Variants in FMNL3 observed in about 807,000 individuals in gnomAD.
The protein encoded by FMNL3 is formin like 3, also known as formin-like protein 3.
In FMNL3, 57 loss-of-function variants were observed where a neutral mutation model predicts 119.6. The observed-to-expected ratio is 0.48, with a 90% CI of 0.39 to 0.59. The LOEUF (loss-of-function observed/expected upper bound fraction) is 0.59, where lower values mean the gene tolerates loss of function less well. Ranked by LOEUF, FMNL3 falls within the 20% of genes least tolerant of loss-of-function variation. The pLI, the probability that FMNL3 is intolerant of heterozygous loss-of-function variation, is 0.00. For missense variants in FMNL3, 1,053 were observed against 1,323.5 expected, an observed-to-expected ratio of 0.80 and a Z score of 3.17; for synonymous variants, 491 against 507.3, an observed-to-expected ratio of 0.97 and a Z score of 0.43.
intron 1 of FMNL3, among the ~76,000 whole-genome samples, chr12:49,682,369 C>T (rs1338342217): frequency 6.6e-6 from 1 of 152,132 alleles, no homozygotes; most frequent in Non-Finnish European, 1.5e-5. Flanking sequence ...CGTGCCTGGC[C>T]CTCATACTAT....
chr12:49,650,630 G>T (rs1309869568), intron 17 of FMNL3, 46 bp downstream of exon 17: 1 of 1,604,290 alleles, frequency 6.2e-7, no homozygotes, highest in South Asian at 1.1e-5. Flanking sequence ...GGAGAACTGG[G>T]TTGCCAACAG....
chr12:49,688,964 A>G (rs890641374), intron 1 of FMNL3, among the ~76,000 whole-genome samples: 82 of 152,200 alleles, frequency 5.4e-4, no homozygotes, highest in African/African-American at 2.0e-3. Flanking sequence ...AAAGAAAGGC[A>G]AAAATGGGCT....
chr12:49,695,111 G>C (rs188651510), intron 1 of FMNL3, among the ~76,000 whole-genome samples: 1 of 151,436 alleles, frequency 6.6e-6, no homozygotes, highest in Admixed American at 6.6e-5. Context: ...TGAGGTGGGA[G>C]GGCCCAAGAG....
At chr12:49,659,185 C>G in intron 5 of FMNL3, among the ~76,000 whole-genome samples, 1 of 152,148 alleles carries the variant, frequency 6.6e-6, no homozygotes. Context: ...GCACCACTGC[C>G]CCATCTTAGC....
At chr12:49,645,948 C>T in intron 25 of FMNL3, 45 bp from the exon 26 acceptor site, 1 of 1,560,636 alleles carries the variant, frequency 6.4e-7, no homozygotes, top group Non-Finnish European at 8.8e-7. Context: ...GGAGGGTGAG[C>T]CAGGACAGTG....
At chr12:49,689,126 A>AT (rs113395482) in intron 1 of FMNL3, among the ~76,000 whole-genome samples, 8,996 of 152,050 alleles carry the variant, frequency 0.059, 630 homozygotes, top group African/African-American at 0.17. Flanking sequence ...TCAAAAAATA[A>AT]TTTTTTTTAA....
intron 6 of FMNL3, among the ~76,000 whole-genome samples, chr12:49,657,806 A>G (rs1357225859): frequency 6.6e-6 from 1 of 152,224 alleles, no homozygotes; most frequent in Non-Finnish European, 1.5e-5. Context: ...GCATGGCCAC[A>G]AGAGAGACAG....
At chr12:49,688,296 C>T (rs1944518556) in intron 1 of FMNL3, 2 of 412,490 alleles carry the variant, frequency 4.8e-6, no homozygotes, top group South Asian at 1.8e-5. Context: ...CAAACTGCTG[C>T]CCATAAGGGA....
chr12:49,656,930 T>A, intron 7 of FMNL3, 31 bp from the exon 8 acceptor site: 2 of 1,597,880 alleles, frequency 1.3e-6, no homozygotes, highest in South Asian at 2.2e-5. Flanking sequence ...GGAGGGGACC[T>A]TGATGGTGGG....
chr12:49,678,805 G>A (rs1944262230), intron 1 of FMNL3, among the ~76,000 whole-genome samples: 1 of 152,168 alleles, frequency 6.6e-6, no homozygotes, highest in Admixed American at 6.5e-5. Context: ...ATCAGGCAAA[G>A]GCAAGAGCAG....
At chr12:49,696,310 G>A (rs1182492742) in intron 1 of FMNL3, among the ~76,000 whole-genome samples, 2 of 152,084 alleles carry the variant, frequency 1.3e-5, no homozygotes, top group Non-Finnish European at 1.5e-5. Flanking sequence ...TCCAAGCCTG[G>A]TCCTGGAACC....
chr12:49,637,743 T>C lies in FMNL3; in HGVS notation c.*8072A>G, dbSNP rs772560721. ...CCTCCCTCCTTACAGGCTCCACCCC[T>C]CTGGACTTATTCAAGTTCTATGTGG... On this transcript the variant is annotated 3_prime_UTR_variant, in exon 26 of 26. Transcript: ENST00000335154. 3 of 1,187,280 alleles carry C rather than the reference T, an allele frequency of 2.5e-6. No homozygotes were observed. Among genetic ancestry groups the C allele is most frequent in the Non-Finnish European group, 3.4e-6 (3 of 871,102 alleles). The allele number at this position is 1,187,280 out of a possible 1,614,324, so 73.5% of individuals were successfully genotyped here.
Position 49,637,430 on chromosome 12 carries a change from C to T in FMNL3, c.*8385G>A. 1 of 1,435,220 alleles carries T rather than the reference C, an allele frequency of 7.0e-7. No individual in the cohort carries two copies. The highest frequency in any genetic ancestry group is 9.8e-7 in the Non-Finnish European group (1 of 1,022,128). The allele number at this position is 1,435,220 out of a possible 1,614,324, so 88.9% of individuals were successfully genotyped here. On this transcript the variant is annotated 3_prime_UTR_variant, in exon 26 of 26. Coordinates refer to ENST00000335154, the MANE Select transcript of FMNL3 (RefSeq NM_175736.5). The stretch of plus-strand genomic sequence containing the variant: ...CCCCCTCAGTCTGTGGCTCTGCCTC[C>T]CTGTCTCACTCTCCCTATAACTGGC...
intron 6 of FMNL3, among the ~76,000 whole-genome samples, chr12:49,657,845 A>T (rs1943616801): frequency 6.6e-6 from 1 of 152,232 alleles, no homozygotes; most frequent in Admixed American, 6.5e-5. Flanking sequence ...TGGGACCCAA[A>T]GGAAAGCCTC....
At chr12:49,667,780 GGGTAAACACAC>G (rs1156325592) in intron 2 of FMNL3, among the ~76,000 whole-genome samples, 1 of 152,108 alleles carries the variant, frequency 6.6e-6, no homozygotes, top group African/African-American at 2.4e-5. Context: ...GCAAAGTGCT[GGGTAAACACAC>G]TACCCACACT....
In FMNL3 at chr12:49,707,202, G is replaced by A; in HGVS notation, c.-22C>T. 6.7e-7 allele frequency: 1 copy of A among 1,497,150 alleles called. No individual in the cohort carries two copies. The highest frequency in any genetic ancestry group is 8.9e-7 in the Non-Finnish European group (1 of 1,129,354). The allele number at this position is 1,497,150 out of a possible 1,614,324, so 92.7% of individuals were successfully genotyped here. A position where few individuals can be genotyped will look rare whatever the true frequency, so the allele number is the denominator to read the frequency against. ...CCATCGCGGCGGGGCCCCCTCAGGGGCCTCGGCCCCCCACCTCCACGCTCC... is the reference window on the plus strand; with the variant it reads ...CCATCGCGGCGGGGCCCCCTCAGGGACCTCGGCCCCCCACCTCCACGCTCC... On this transcript the variant is annotated 5_prime_UTR_variant, in exon 1 of 26. Coordinates refer to ENST00000335154, the MANE Select transcript of FMNL3 (RefSeq NM_175736.5).
At chr12:49,682,221 C>T (rs1944353949) in intron 1 of FMNL3, among the ~76,000 whole-genome samples, 2 of 152,104 alleles carry the variant, frequency 1.3e-5, no homozygotes, top group Non-Finnish European at 2.9e-5. Flanking sequence ...CAGGCGGCCA[C>T]CACCACACCC....
chr12:49,651,994 C>T lies in FMNL3; in HGVS notation c.1542G>A (p.Glu514=). 6.2e-7 allele frequency: 1 copy of T among 1,606,300 alleles called. No individual in the cohort carries two copies. Among genetic ancestry groups the T allele is most frequent in the Non-Finnish European group, 8.5e-7 (1 of 1,176,370 alleles). Residue 514 remains glutamate, a synonymous_variant, in exon 14 of 26, where the codon GAG becomes GAA. Coordinates refer to ENST00000335154, the MANE Select transcript of FMNL3 (RefSeq NM_175736.5). ...DLLAPAPPPE[E]VLPLPPPPAP... ...CTGGTGGTGGAGGAAGAGGCAGGAC[C>T]TCCTCAGGGGGTGGGGCTGGAGCCA... is the stretch of plus-strand genomic sequence containing the variant.
At chr12:49,652,993 G>A (rs1565869989) in intron 13 of FMNL3, among the ~76,000 whole-genome samples, 2 of 152,058 alleles carry the variant, frequency 1.3e-5, no homozygotes, top group Admixed American at 1.3e-4. Flanking sequence ...GCTTGTGGGT[G>A]CCCCAGCTGT....
Sources: allele counts gnomAD v4.1 joint callset (sites outside exome capture counted in the v4.1 genomes callset), GRCh38; gene constraint gnomAD v4.1.1; transcripts MANE v1.5; gene names NCBI Gene and HGNC (gene_info 2026-07-23, HGNC 2026-07-21).